Variants in LHFPL3 observed in about 807,000 individuals in gnomAD.
LHFPL3 encodes the protein LHFPL tetraspan subfamily member 3 protein.
A neutral mutation model predicts 19.3 loss-of-function variants in LHFPL3; 5 were observed. The ratio of observed to expected loss-of-function variants is 0.26; its 90% CI spans 0.14 to 0.54. The LOEUF is 0.54. Ranked by LOEUF, LHFPL3 falls within the 20% of genes least tolerant of loss-of-function variation. LHFPL3 has a pLI of 0.94. For missense variants in LHFPL3, 249 were observed against 307.4 expected (o/e 0.81, Z 1.42); for synonymous variants, 133 against 126.2 (o/e 1.05, Z -0.36).
intron 1 of LHFPL3, among the ~76,000 whole-genome samples, chr7:104,590,631 G>T (rs187116546): frequency 2.6e-5 from 4 of 152,102 alleles, no homozygotes; most frequent in Non-Finnish European, 5.9e-5. Context: ...TATTAGGTCC[G>T]CTTGGTGCAG....
intron 1 of LHFPL3, chr7:104,667,983 G>A (rs6466008): frequency 0.35 from 562,986 of 1,613,060 alleles, 102,048 homozygotes; most frequent in African/African-American, 0.53. Flanking sequence ...TGCTCCACGG[G>A]CTGCTCGGGA....
chr7:104,586,461 T>C (rs1306013324), intron 1 of LHFPL3, among the ~76,000 whole-genome samples: 2 of 152,088 alleles, frequency 1.3e-5, no homozygotes, highest in Non-Finnish European at 2.9e-5. Flanking sequence ...CTATGAAGTA[T>C]TTTTCCTGTT....
At chr7:104,332,203 T>TATAAAATCC (rs1203914513) in intron 1 of LHFPL3, among the ~76,000 whole-genome samples, 1 of 149,874 alleles carries the variant, frequency 6.7e-6, no homozygotes, top group Non-Finnish European at 1.5e-5. Flanking sequence ...TCAGGTAGAA[T>TATAAAATCC]ATAAAATCCT....
intron 1 of LHFPL3, among the ~76,000 whole-genome samples, chr7:104,551,162 TA>T (rs576935792): frequency 7.9e-5 from 12 of 152,194 alleles, no homozygotes; most frequent in East Asian, 7.7e-4. Context: ...GAGCATTTTA[TA>T]AAAAAACAAC....
At chr7:104,471,953 G>A (rs1033214364) in intron 1 of LHFPL3, among the ~76,000 whole-genome samples, 2 of 152,124 alleles carry the variant, frequency 1.3e-5, no homozygotes, top group African/African-American at 4.8e-5. Flanking sequence ...CGAGGCAGGA[G>A]GATTGCTTGG....
chr7:104,603,114 CTTT>C (rs1562947494), intron 1 of LHFPL3, among the ~76,000 whole-genome samples: 182 of 128,616 alleles, frequency 1.4e-3, no homozygotes, highest in African/African-American at 5.0e-3. Context: ...TTCTTTCTTT[CTTT>C]CTTTCTTTCT....
intron 1 of LHFPL3, among the ~76,000 whole-genome samples, chr7:104,385,202 CA>C (rs1474976192): frequency 2.0e-5 from 3 of 152,102 alleles, no homozygotes. Context: ...AGCCCAATAC[CA>C]TTAAACATTT....
chr7:104,333,087 C>A (rs1369070555), intron 1 of LHFPL3, among the ~76,000 whole-genome samples: 1 of 152,034 alleles, frequency 6.6e-6, no homozygotes, highest in East Asian at 1.9e-4. Flanking sequence ...CCCTGGGAAC[C>A]TTATTTTCTG....
rs1020545515 is a variant in LHFPL3 at position 104,907,447 on chromosome 7, A to G, written c.*1232A>G. 2.0e-5 allele frequency among the ~76,000 whole-genome samples: 3 copies of G among 152,190 alleles called. No homozygotes were observed. Among genetic ancestry groups the G allele is most frequent in the Admixed American group, 6.5e-5 (1 of 15,274 alleles). Reference sequence around the variant, plus strand: ...TTTTAGTTGGCTGACATCTGGAAGTAGTTAACAACTAACCAGTGGACTTCA... The same window carrying G: ...TTTTAGTTGGCTGACATCTGGAAGTGGTTAACAACTAACCAGTGGACTTCA... On this transcript the variant is annotated 3_prime_UTR_variant, in exon 3 of 3. Coordinates refer to ENST00000424859, the MANE Select transcript of LHFPL3 (RefSeq NM_199000.3).
intron 2 of LHFPL3, among the ~76,000 whole-genome samples, chr7:104,854,919 T>C (rs1156348951): frequency 6.6e-6 from 1 of 152,220 alleles, no homozygotes; most frequent in Non-Finnish European, 1.5e-5. Context: ...TCATAATTAC[T>C]CTCCATTGAC....
chr7:104,809,489 T>G (rs1790425679), intron 2 of LHFPL3, among the ~76,000 whole-genome samples: 1 of 152,232 alleles, frequency 6.6e-6, no homozygotes, highest in Non-Finnish European at 1.5e-5. Context: ...AGATTTTCTA[T>G]TAGGAAAAAT....
At chr7:104,758,069 T>A (rs1302110698) in intron 2 of LHFPL3, among the ~76,000 whole-genome samples, 1 of 152,186 alleles carries the variant, frequency 6.6e-6, no homozygotes, top group Admixed American at 6.6e-5. Flanking sequence ...TGGATCCAGC[T>A]GGAGGCCATC....
intron 1 of LHFPL3, among the ~76,000 whole-genome samples, chr7:104,513,905 A>G (rs1793869206): frequency 6.6e-6 from 1 of 152,192 alleles, no homozygotes; most frequent in African/African-American, 2.4e-5. Flanking sequence ...ATTTGTGGGT[A>G]CACTTATGTT....
chr7:104,520,430 C>T (rs571243611), intron 1 of LHFPL3, among the ~76,000 whole-genome samples: 1,635 of 146,438 alleles, frequency 0.011, 31 homozygotes, highest in African/African-American at 0.039. Flanking sequence ...TGTCTCTGCC[C>T]AGCTTTGGTA....
chr7:104,469,032 G>C (rs1262495873), intron 1 of LHFPL3, among the ~76,000 whole-genome samples: 1 of 152,132 alleles, frequency 6.6e-6, no homozygotes. Flanking sequence ...CTCAGCTCTG[G>C]TGTCGTTCAT....
intron 1 of LHFPL3, among the ~76,000 whole-genome samples, chr7:104,653,179 G>T (rs2115948414): frequency 6.6e-6 from 1 of 152,330 alleles, no homozygotes; most frequent in Admixed American, 6.5e-5. Context: ...TGGGGTACAT[G>T]AAATCGTTTG....
In LHFPL3 at chr7:104,411,420, G is replaced by T. The variant is rs74813020; in HGVS notation, c.445+82196G>T. On this transcript the variant is annotated intron_variant, in intron 1 of 2. Coordinates refer to ENST00000424859, the MANE Select transcript of LHFPL3 (RefSeq NM_199000.3). ...TTATTTGTATAACTTCTTGACAAAA[G>T]ATGGTAGTGGAGGAATGATCATTTA... Among the ~76,000 whole-genome samples, 49 of 152,264 alleles carry T rather than the reference G, an allele frequency of 3.2e-4. No homozygotes were observed. The East Asian group carries it at 9.5e-3, about 29-fold the overall frequency.
intron 2 of LHFPL3, among the ~76,000 whole-genome samples, chr7:104,862,119 T>C (rs1791628781): frequency 6.6e-6 from 1 of 152,042 alleles, no homozygotes; most frequent in South Asian, 2.1e-4. Flanking sequence ...TCACCTGACA[T>C]GGAGATTAAA....
chr7:104,571,134 C>T (rs978860914), intron 1 of LHFPL3, among the ~76,000 whole-genome samples: 3 of 152,116 alleles, frequency 2.0e-5, no homozygotes, highest in Admixed American at 6.5e-5. Context: ...GTGTTAAAAA[C>T]CTCTTATGAA....
Sources: allele counts gnomAD v4.1 joint callset (sites outside exome capture counted in the v4.1 genomes callset), GRCh38; gene constraint gnomAD v4.1.1; transcripts MANE v1.5; gene names NCBI Gene and HGNC (gene_info 2026-07-23, HGNC 2026-07-21).